Variants in PSMB3 observed in about 807,000 individuals in gnomAD.
PSMB3 encodes proteasome 20S subunit beta 3, also known as proteasome subunit beta type-3.
Under a neutral mutation model 23.3 loss-of-function variants are expected in PSMB3, and 5 were observed. The observed-to-expected ratio is 0.21, with a 90% confidence interval of 0.11 to 0.45. The LOEUF is 0.45. Among genes scored for constraint, PSMB3 ranks in the 20% least tolerant of loss-of-function variants. PSMB3 has a pLI of 0.99. For missense variants in PSMB3, 192 were observed against 277.9 expected (o/e 0.69, Z 2.20); for synonymous variants, 85 against 99.8 (o/e 0.85, Z 0.88).
chr17:38,759,538 T>C (rs1045569621), intron 3 of PSMB3, among the ~76,000 whole-genome samples: 11 of 152,094 alleles, frequency 7.2e-5, no homozygotes, highest in Non-Finnish European at 1.3e-4. Flanking sequence ...TTCTTTTTTT[T>C]TTTTCTTTTC....
chr17:38,757,253 T>C lies in PSMB3; in HGVS notation c.296+1263T>C, dbSNP rs188419533. ...TAAATGGCTTGCTGGGCGTGGTGGCTCATGCCTGTAATCCCAGTACTTTGG... is the reference window on the plus strand; with the variant it reads ...TAAATGGCTTGCTGGGCGTGGTGGCCCATGCCTGTAATCCCAGTACTTTGG... On this transcript the variant is annotated intron_variant, in intron 3 of 5. Coordinates refer to ENST00000619426, the MANE Select transcript of PSMB3 (RefSeq NM_002795.4). Among the ~76,000 whole-genome samples, 71 of 150,166 alleles carry C rather than the reference T, an allele frequency of 4.7e-4. 3 individuals are homozygous for C. In the East Asian group the frequency reaches 0.012, roughly 24 times the overall value.
chr17:38,756,125 G>T, intron 3 of PSMB3, 135 bp downstream of exon 3: 2 of 740,666 alleles, frequency 2.7e-6, no homozygotes, highest in Non-Finnish European at 4.4e-6. Context: ...TTATGGGTGT[G>T]TTTTCTTTGG....
At chr17:38,762,097 T>C (rs228279) in intron 4 of PSMB3, 83,471 of 310,406 alleles carry the variant, frequency 0.27, 12,301 homozygotes, top group South Asian at 0.45. Context: ...TGGAGCTAAA[T>C]AGGGATTCTT....
chr17:38,762,590 A>G, intron 5 of PSMB3, 85 bp downstream of exon 5: 1 of 1,316,498 alleles, frequency 7.6e-7, no homozygotes, highest in Non-Finnish European at 1.1e-6. Flanking sequence ...CCATTTTCCC[A>G]GCCCCCTGGT....
chr17:38,763,977 T>C, intron 5 of PSMB3, 142 bp from the exon 6 acceptor site: 1 of 828,828 alleles, frequency 1.2e-6, no homozygotes, highest in South Asian at 1.7e-5. Context: ...GCAGGATAGT[T>C]ACACCTAGAG....
chr17:38,760,682 T>C, intron 4 of PSMB3, 74 bp downstream of exon 4: 1 of 1,544,048 alleles, frequency 6.5e-7, no homozygotes. Context: ...AGTGTGTTTA[T>C]GTGGCAGGTA....
chr17:38,756,101 A>G, intron 3 of PSMB3, 111 bp downstream of exon 3: 1 of 880,066 alleles, frequency 1.1e-6, no homozygotes, highest in Non-Finnish European at 1.8e-6. Flanking sequence ...TATTTGCAGG[A>G]TAATATCCTT....
At chr17:38,753,484 T>A in intron 2 of PSMB3, 150 bp downstream of exon 2, 1 of 86,846 alleles carries the variant, frequency 1.2e-5, no homozygotes, top group East Asian at 1.3e-3. Flanking sequence ...CTTCCCTTTC[T>A]TTTTTTTTTT....
intron 5 of PSMB3, 43 bp from the exon 6 acceptor site, chr17:38,764,076 C>T: frequency 6.2e-7 from 1 of 1,612,748 alleles, no homozygotes; most frequent in South Asian, 1.1e-5. Context: ...AGTCACGGTC[C>T]AGATGGGTAG....
intron 3 of PSMB3, among the ~76,000 whole-genome samples, chr17:38,758,079 G>A (rs764203683): frequency 1.3e-5 from 2 of 152,168 alleles, no homozygotes; most frequent in African/African-American, 2.4e-5. Context: ...ACCATCTGAA[G>A]TAACTTTTAC....
At chr17:38,761,900 G>A (rs2143250044) in intron 4 of PSMB3, among the ~76,000 whole-genome samples, 3 of 152,342 alleles carry the variant, frequency 2.0e-5, no homozygotes, top group Admixed American at 2.0e-4. Flanking sequence ...AGGGGACTTA[G>A]TCACTTAAAA....
In PSMB3 at chr17:38,752,772, G is replaced by C. The variant is rs1907986631; in HGVS notation, c.-55G>C. The C allele has an allele frequency of 1.9e-6, 3 of 1,612,148 alleles. No homozygotes were observed. Among genetic ancestry groups the C allele is most frequent in the Non-Finnish European group, 2.5e-6 (3 of 1,178,172 alleles). Reference sequence around the variant, plus strand: ...GAGAGCGGTTGCGCAGTGAAGGCTAGACCCGGTTTACTGGAATTGCTCTGG... The same window carrying C: ...GAGAGCGGTTGCGCAGTGAAGGCTACACCCGGTTTACTGGAATTGCTCTGG... On this transcript the variant is annotated 5_prime_UTR_variant, in exon 1 of 6. Transcript: ENST00000619426. This position sits in a 1 kb window ranked among gnomAD's most constrained non-coding sequence, Gnocchi z 5.5.
chr17:38,753,483 CTTTTTT>C (rs35484180), intron 2 of PSMB3, 149 bp downstream of exon 2: 2 of 637,018 alleles, frequency 3.1e-6, no homozygotes, highest in Non-Finnish European at 5.1e-6. Flanking sequence ...CCTTCCCTTT[CTTTTTT>C]TTTTTTTTAG....
intron 5 of PSMB3, 96 bp from the exon 6 acceptor site, chr17:38,764,023 A>T: frequency 6.9e-7 from 1 of 1,450,434 alleles, no homozygotes; most frequent in Non-Finnish European, 9.6e-7. Flanking sequence ...CCCTTGCCGC[A>T]GGGCTTGAGG....
chr17:38,762,239 C>T (rs1265306727), intron 4 of PSMB3, 172 bp from the exon 5 acceptor site: 26 of 599,396 alleles, frequency 4.3e-5, no homozygotes, highest in Admixed American at 6.1e-5. Context: ...ATTCTGCTTC[C>T]TTCCAAGGAA....
At chr17:38,753,113 A>AC (rs752742606) in intron 1 of PSMB3, 37 bp from the exon 2 acceptor site, 5 of 1,564,380 alleles carry the variant, frequency 3.2e-6, no homozygotes, top group African/African-American at 1.4e-5. Flanking sequence ...GCAGCGTTTG[A>AC]CCCCCCGCGC....
At chr17:38,753,804 G>A (rs2143208984) in intron 2 of PSMB3, among the ~76,000 whole-genome samples, 1 of 152,246 alleles carries the variant, frequency 6.6e-6, no homozygotes, top group South Asian at 2.1e-4. Flanking sequence ...CAACAATTTT[G>A]AGCAGACAAG....
chr17:38,762,579 C>A, intron 5 of PSMB3, 74 bp downstream of exon 5: 1 of 1,386,586 alleles, frequency 7.2e-7, no homozygotes, highest in Non-Finnish European at 1.0e-6. Context: ...GAGCATACAC[C>A]CCATTTTCCC....
At chr17:38,761,488 C>T (rs187889756) in intron 4 of PSMB3, among the ~76,000 whole-genome samples, 16 of 152,250 alleles carry the variant, frequency 1.1e-4, no homozygotes, top group Non-Finnish European at 2.1e-4. Flanking sequence ...CCAGCTCTTC[C>T]GGCCACTGGG....
Sources: allele counts gnomAD v4.1 joint callset (sites outside exome capture counted in the v4.1 genomes callset), GRCh38; gene constraint gnomAD v4.1.1; non-coding constraint Gnocchi (gnomAD v3.1); transcripts MANE v1.5; gene names NCBI Gene and HGNC (gene_info 2026-07-23, HGNC 2026-07-21).